The following CBX5 variants were observed in gnomAD, a reference collection of about 807,000 sequenced individuals.
The protein encoded by CBX5 is chromobox 5.
Under a neutral mutation model 20.7 loss-of-function variants are expected in CBX5, and 7 were observed. The ratio of observed to expected loss-of-function variants is 0.34; its 90% confidence interval spans 0.19 to 0.63. The LOEUF is 0.63. Ranked by LOEUF, CBX5 falls within the 30% of genes least tolerant of loss-of-function variation. The pLI, the probability that CBX5 is intolerant of heterozygous loss-of-function variation, is 0.75. For missense variants in CBX5, 110 were observed against 224.1 expected (o/e 0.49, Z 3.25); for synonymous variants, 78 against 77.0 (o/e 1.01, Z -0.07).
At chr12:54,243,308 C>T (rs1943697687) in intron 4 of CBX5, among the ~76,000 whole-genome samples, 1 of 149,552 alleles carries the variant, frequency 6.7e-6, no homozygotes, top group Non-Finnish European at 1.5e-5. Flanking sequence ...AGGCACAGCG[C>T]CTCATACCTA....
Position 54,236,426 on chromosome 12 carries a change from T to A in CBX5, c.*5329A>T, listed in dbSNP as rs900291477. On this transcript the variant is annotated 3_prime_UTR_variant, in exon 5 of 5. Transcript: ENST00000209875. Reference sequence around the variant, plus strand: ...GCAATGTGGCTGGAATTTAGAAAGCTTAATAAAAATTGGGTGAGGGGGCAT... The same window carrying A: ...GCAATGTGGCTGGAATTTAGAAAGCATAATAAAAATTGGGTGAGGGGGCAT... The A allele has an allele frequency of 3.9e-5, 6 of 152,226 alleles. No individual in the cohort carries two copies. Among genetic ancestry groups the A allele is most frequent in the Non-Finnish European group, 7.3e-5 (5 of 68,030 alleles). The allele number at this position is 152,226 out of a possible 1,614,324, so 9.4% of individuals were successfully genotyped here. A position where few individuals can be genotyped will look rare whatever the true frequency, so the allele number is the denominator to read the frequency against.
chr12:54,278,588 T>C (rs905009389), intron 1 of CBX5: 9 of 152,334 alleles, frequency 5.9e-5, no homozygotes, highest in Middle Eastern at 3.4e-3. Context: ...GAATAAATTA[T>C]TGAATAAAGC....
chr12:54,269,091 T>C (rs1943983897), intron 1 of CBX5, among the ~76,000 whole-genome samples: 1 of 152,004 alleles, frequency 6.6e-6, no homozygotes, highest in Non-Finnish European at 1.5e-5. Context: ...AAAGCCTGTC[T>C]CTACTAAAAC....
intron 2 of CBX5, among the ~76,000 whole-genome samples, chr12:54,253,819 G>A (rs1391979729): frequency 6.7e-6 from 1 of 150,216 alleles, no homozygotes; most frequent in African/African-American, 2.5e-5. Context: ...CTGGAGTGCA[G>A]TGGTGTGATA....
rs751306042 is a variant in CBX5, at chr12:54,233,195, G to A, written c.*8560C>T. The A allele has an allele frequency of 6.6e-6, 1 of 152,170 alleles. No individual in the cohort carries two copies. Among genetic ancestry groups the A allele is most frequent in the Non-Finnish European group, 1.5e-5 (1 of 68,044 alleles). The allele number at this position is 152,170 out of a possible 1,614,324, so 9.4% of individuals were successfully genotyped here. On this transcript the variant is annotated 3_prime_UTR_variant, in exon 5 of 5. Transcript: ENST00000209875. ...CCTGCTTTTCTATTCAGGGAGAGGG[G>A]ATGAAAATATTCTCTGTAACTAATC... is the stretch of plus-strand genomic sequence containing the variant.
intron 1 of CBX5, among the ~76,000 whole-genome samples, chr12:54,278,368 A>G (rs1281426731): frequency 6.6e-6 from 1 of 152,198 alleles, no homozygotes; most frequent in Non-Finnish European, 1.5e-5. Context: ...CAGCAACTCC[A>G]TTACTAGCAT....
Position 54,256,715 on chromosome 12 carries a change from G to C in CBX5, c.137+799C>G, listed in dbSNP as rs559301745. Among the ~76,000 whole-genome samples, 3 of 152,208 alleles carry C rather than the reference G, an allele frequency of 2.0e-5. No individual in the cohort carries two copies. The East Asian group carries it at 5.8e-4, about 29-fold the overall frequency. On this transcript the variant is annotated intron_variant, in intron 2 of 4. Coordinates refer to ENST00000209875, the MANE Select transcript of CBX5 (RefSeq NM_012117.3). ...AATAACTTTTGTACTGATTAACGCT[G>C]AAATAGTATTTTTCACGTATTAGGT...
intron 3 of CBX5, among the ~76,000 whole-genome samples, chr12:54,251,539 A>T (rs908845510): frequency 1.3e-5 from 2 of 149,670 alleles, no homozygotes; most frequent in Non-Finnish European, 3.0e-5. Flanking sequence ...AAAAAAAAAA[A>T]AATCAGCCAG....
rs1943655371 is a variant in CBX5, at chr12:54,239,479, C to G, written c.*2276G>C. 6.6e-6 allele frequency: 1 copy of G among 152,218 alleles called. No homozygotes were observed. The highest frequency in any genetic ancestry group is 1.5e-5 in the Non-Finnish European group (1 of 68,040). The allele number at this position is 152,218 out of a possible 1,614,324, so 9.4% of individuals were successfully genotyped here. On this transcript the variant is annotated 3_prime_UTR_variant, in exon 5 of 5. Transcript: ENST00000209875. ...AATCAAGAGACCCATATCACCTCCT[C>G]AGGAGCTCTGGCCTATTTTTGTCCT...
intron 1 of CBX5, among the ~76,000 whole-genome samples, chr12:54,274,498 AG>A (rs1410534948): frequency 6.6e-6 from 1 of 152,270 alleles, no homozygotes; most frequent in Non-Finnish European, 1.5e-5. Flanking sequence ...TCCATAACAC[AG>A]CTTTAGGCCC....
At chr12:54,276,103 G>A (rs182605979) in intron 1 of CBX5, among the ~76,000 whole-genome samples, 1 of 151,278 alleles carries the variant, frequency 6.6e-6, no homozygotes, top group East Asian at 1.9e-4. Context: ...GTTTTCACTT[G>A]CACACGACAG....
rs1943612726 is a variant in CBX5, at chr12:54,235,597, G to C, written c.*6158C>G. On this transcript the variant is annotated 3_prime_UTR_variant, in exon 5 of 5. Coordinates refer to ENST00000209875, the MANE Select transcript of CBX5 (RefSeq NM_012117.3). ...CCACTGCACTCCAGCCTGGGAGACA[G>C]AGCAAGACTCCGTCTCAAAAAAAAA... 3 of 151,944 alleles carry C rather than the reference G, an allele frequency of 2.0e-5. No homozygotes were observed. The highest frequency in any genetic ancestry group is 2.0e-4 in the Admixed American group (3 of 15,244). The allele number at this position is 151,944 out of a possible 1,614,324, so 9.4% of individuals were successfully genotyped here.
rs1187298723 is a variant in CBX5 at position 54,252,724 on chromosome 12, C to T, written c.138-497G>A. Among the ~76,000 whole-genome samples, 4 of 152,086 alleles carry T rather than the reference C, an allele frequency of 2.6e-5. No individual in the cohort carries two copies. In the East Asian group the frequency reaches 5.8e-4, roughly 22 times the overall value. ...GATCAGCCGGGCACGGTGGCTCACA[C>T]CTGTAATCCCAGCACTCTGGGAGGC... is the stretch of plus-strand genomic sequence containing the variant. On this transcript the variant is annotated intron_variant, in intron 2 of 4. Transcript: ENST00000209875.
chr12:54,278,428 G>C (rs1944091706), intron 1 of CBX5, among the ~76,000 whole-genome samples: 1 of 152,150 alleles, frequency 6.6e-6, no homozygotes, highest in African/African-American at 2.4e-5. Context: ...TTGTCCTTTT[G>C]CTAGTGCCAG....
chr12:54,244,536 G>A (rs555146887), intron 4 of CBX5, among the ~76,000 whole-genome samples: 91 of 151,812 alleles, frequency 6.0e-4, no homozygotes, highest in Non-Finnish European at 1.0e-3. Flanking sequence ...TCAGGAGTTC[G>A]AGACCAGCCT....
In CBX5 at chr12:54,245,299, C is replaced by T. The variant is rs1001099133; in HGVS notation, c.425+816G>A. On this transcript the variant is annotated intron_variant, in intron 4 of 4. Coordinates refer to ENST00000209875, the MANE Select transcript of CBX5 (RefSeq NM_012117.3). ...GTGTTGGGATTACAGGTGTGAGCCACTGCATCCGACCTTTATATATTTTCT... is the reference window on the plus strand; with the variant it reads ...GTGTTGGGATTACAGGTGTGAGCCATTGCATCCGACCTTTATATATTTTCT... 1.6e-4 allele frequency among the ~76,000 whole-genome samples: 25 copies of T among 152,270 alleles called. 1 individual carries two copies. Among genetic ancestry groups the T allele is most frequent in the African/African-American group, 6.0e-4 (25 of 41,562 alleles).
chr12:54,278,857 G>A (rs1175039820), intron 1 of CBX5: 3 of 152,152 alleles, frequency 2.0e-5, no homozygotes, highest in Non-Finnish European at 2.9e-5. Flanking sequence ...AGGGACTTTA[G>A]GATATCTTCA....
chr12:54,252,537 A>G (rs1943816860), intron 2 of CBX5: 1 of 253,388 alleles, frequency 3.9e-6, no homozygotes, highest in South Asian at 1.1e-4. Context: ...CATACAAAGG[A>G]ATATTATCCA....
rs1943656612 is a variant in CBX5, at chr12:54,239,670, A to G, written c.*2085T>C. On this transcript the variant is annotated 3_prime_UTR_variant, in exon 5 of 5. Transcript: ENST00000209875. Reference sequence around the variant, plus strand: ...CTTCAGAGAGAGAAGGAATATAGAGATAAAACTCCCACCCACTTGAGGTAT... The same window carrying G: ...CTTCAGAGAGAGAAGGAATATAGAGGTAAAACTCCCACCCACTTGAGGTAT... The G allele has an allele frequency of 6.6e-6, 1 of 152,216 alleles. No individual in the cohort carries two copies. The highest frequency in any genetic ancestry group is 1.5e-5 in the Non-Finnish European group (1 of 68,042). The allele number at this position is 152,216 out of a possible 1,614,324, so 9.4% of individuals were successfully genotyped here.
Sources: allele counts gnomAD v4.1 joint callset (sites outside exome capture counted in the v4.1 genomes callset), GRCh38; gene constraint gnomAD v4.1.1; transcripts MANE v1.5; gene names NCBI Gene and HGNC (gene_info 2026-07-23, HGNC 2026-07-21).